Variants in AK5 observed in about 807,000 individuals in gnomAD.
AK5 encodes adenylate kinase isoenzyme 5.
A neutral mutation model predicts 69.5 loss-of-function variants in AK5; 27 were observed. The observed-to-expected ratio is 0.39, with a 90% CI of 0.29 to 0.54. The LOEUF is 0.54. Among genes scored for constraint, AK5 ranks in the 20% least tolerant of loss-of-function variants. The probability of loss-of-function intolerance (pLI) is 0.71; values close to 1 mark genes in which losing one functional copy is unlikely to be tolerated. For synonymous variants in AK5, 260 were observed against 244.4 expected, an observed-to-expected ratio of 1.06 and a Z score of -0.60; for missense variants, 531 against 700.4, an observed-to-expected ratio of 0.76 and a Z score of 2.73.
At chr1:77,418,828 C>T (rs575075849) in intron 8 of AK5, among the ~76,000 whole-genome samples, 16 of 152,182 alleles carry the variant, frequency 1.1e-4, no homozygotes, top group Non-Finnish European at 1.6e-4. Context: ...ATTTCATATA[C>T]GTATTCAGGA....
At chr1:77,475,454 ACAAATATATATTATATATGT>A (rs1654855401) in intron 8 of AK5, among the ~76,000 whole-genome samples, 1 of 3,376 alleles carries the variant, frequency 3.0e-4, no homozygotes, top group African/African-American at 5.9e-4. Flanking sequence ...TTATATATAT[ACAAATATATATTATATATGT>A]ATATATATTA....
intron 8 of AK5, among the ~76,000 whole-genome samples, chr1:77,472,751 G>A (rs1034226049): frequency 2.0e-4 from 18 of 92,124 alleles, no homozygotes; most frequent in Middle Eastern, 4.6e-3. Context: ...AAGACTGGGC[G>A]TGGTGGCACA....
chr1:77,558,492 GT>G (rs1329386003), intron 13 of AK5, 109 bp from the exon 14 acceptor site: 15 of 644,342 alleles, frequency 2.3e-5, no homozygotes, highest in Non-Finnish European at 3.5e-5. Flanking sequence ...GGGGTCTTGT[GT>G]TTTAAAATTT....
intron 5 of AK5, among the ~76,000 whole-genome samples, chr1:77,308,017 T>G (rs537615646): frequency 6.6e-6 from 1 of 152,340 alleles, no homozygotes; most frequent in African/African-American, 2.4e-5. Flanking sequence ...GCTCAATTTC[T>G]TAAGTCCCAG....
chr1:77,399,875 T>C (rs1457884940), intron 6 of AK5, among the ~76,000 whole-genome samples: 2 of 152,334 alleles, frequency 1.3e-5, no homozygotes, highest in East Asian at 3.9e-4. Context: ...AGAGGATTGC[T>C]GGGCAGTAGC....
chr1:77,388,505 A>C (rs10518551), intron 6 of AK5, among the ~76,000 whole-genome samples: 1 of 152,144 alleles, frequency 6.6e-6, no homozygotes, highest in South Asian at 2.1e-4. Flanking sequence ...CTTTGCCACT[A>C]AATCTTTAAC....
chr1:77,505,196 A>G (rs1656956808), intron 10 of AK5, among the ~76,000 whole-genome samples: 2 of 152,230 alleles, frequency 1.3e-5, no homozygotes, highest in South Asian at 2.1e-4. Flanking sequence ...TGAATGTCTC[A>G]CTTCCCTTTA....
chr1:77,283,098 C>G lies in AK5; in HGVS notation c.60+725C>G, dbSNP rs140502461. On this transcript the variant is annotated intron_variant, in intron 1 of 13. Coordinates refer to ENST00000354567, the MANE Select transcript of AK5 (RefSeq NM_174858.3). ...GACTCCTGTTGCTCAGTCTTCAGACCGCAGCACAGCATCATCTGCACCGGG... is the reference window on the plus strand; with the variant it reads ...GACTCCTGTTGCTCAGTCTTCAGACGGCAGCACAGCATCATCTGCACCGGG... 9.6e-5 allele frequency: 95 copies of G among 985,760 alleles called. No individual in the cohort carries two copies. The South Asian group carries it at 3.9e-3, about 41-fold the overall frequency. The allele number at this position is 985,760 out of a possible 1,614,324, so 61.1% of individuals were successfully genotyped here.
chr1:77,341,572 G>C (rs1418766308), intron 6 of AK5, among the ~76,000 whole-genome samples: 1 of 152,214 alleles, frequency 6.6e-6, no homozygotes, highest in East Asian at 1.9e-4. Flanking sequence ...CCCATCCAGA[G>C]AGCTCCTGTG....
At chr1:77,346,092 A>G (rs970046134) in intron 6 of AK5, 1 of 152,234 alleles carries the variant, frequency 6.6e-6, no homozygotes, top group African/African-American at 2.4e-5. Flanking sequence ...GTGGAAATGC[A>G]TCATCATAAA....
At chr1:77,362,962 A>G (rs1402022145) in intron 6 of AK5, among the ~76,000 whole-genome samples, 1 of 152,224 alleles carries the variant, frequency 6.6e-6, no homozygotes. Flanking sequence ...ATTCAAACAC[A>G]TAATCACTTC....
intron 6 of AK5, among the ~76,000 whole-genome samples, chr1:77,349,230 T>C (rs1032334340): frequency 6.6e-6 from 1 of 152,134 alleles, no homozygotes; most frequent in African/African-American, 2.4e-5. Flanking sequence ...GAGCTAAACA[T>C]TGAGTACAAT....
intron 8 of AK5, among the ~76,000 whole-genome samples, chr1:77,434,670 G>A (rs919532588): frequency 1.1e-4 from 16 of 152,104 alleles, no homozygotes; most frequent in African/African-American, 3.9e-4. Context: ...ACAATGTGAA[G>A]CACAGGAACT....
intron 8 of AK5, among the ~76,000 whole-genome samples, chr1:77,468,821 T>G (rs576330198): frequency 6.6e-6 from 1 of 152,294 alleles, no homozygotes; most frequent in Admixed American, 6.5e-5. Context: ...TTTACCTGCT[T>G]TGGAGCTTAG....
intron 6 of AK5, among the ~76,000 whole-genome samples, chr1:77,366,859 G>A (rs1032698772): frequency 3.3e-5 from 5 of 151,484 alleles, no homozygotes; most frequent in Admixed American, 1.3e-4. Flanking sequence ...CTTAAAATTC[G>A]CTTTTAACTT....
intron 8 of AK5, among the ~76,000 whole-genome samples, chr1:77,438,803 A>T (rs1652129183): frequency 6.6e-6 from 1 of 152,166 alleles, no homozygotes; most frequent in Admixed American, 6.5e-5. Context: ...GTTCTATAAA[A>T]ACCAGAGTAC....
Position 77,558,587 on chromosome 1 carries a change from TCC to T in AK5, c.1621-14_1621-13del. ...ATATTTCAGACTAACTCTCTTTTTT[TCC>T]TTTTAAATATAGATAAATGCAGAGG... On this transcript the variant is annotated splice_polypyrimidine_tract_variant and intron_variant, in intron 13 of 13. Coordinates refer to ENST00000354567, the MANE Select transcript of AK5 (RefSeq NM_174858.3). 1 of 1,490,712 alleles carries T rather than the reference TCC, an allele frequency of 6.7e-7. No homozygotes were observed. The highest frequency in any genetic ancestry group is 9.3e-7 in the Non-Finnish European group (1 of 1,069,960). 92.3% of individuals were successfully genotyped at this position (1,490,712 alleles called of 1,614,324 possible). A position where few individuals can be genotyped will look rare whatever the true frequency, so the allele number is the denominator to read the frequency against.
At chr1:77,372,875 G>T (rs1647147803) in intron 6 of AK5, among the ~76,000 whole-genome samples, 1 of 152,064 alleles carries the variant, frequency 6.6e-6, no homozygotes. Context: ...ATTGACCAGT[G>T]ACAAATCCCA....
chr1:77,446,914 G>A (rs777396743), intron 8 of AK5, among the ~76,000 whole-genome samples: 23 of 152,204 alleles, frequency 1.5e-4, no homozygotes, highest in Non-Finnish European at 2.8e-4. Flanking sequence ...TAGGTAAGTC[G>A]AGGGTTTGGG....
Sources: allele counts gnomAD v4.1 joint callset (sites outside exome capture counted in the v4.1 genomes callset), GRCh38; gene constraint gnomAD v4.1.1; transcripts MANE v1.5; gene names NCBI Gene and HGNC (gene_info 2026-07-23, HGNC 2026-07-21).